The following ATRNL1 variants were observed in gnomAD, a reference collection of about 807,000 sequenced individuals.
ATRNL1 encodes attractin like 1.
In ATRNL1, 95 loss-of-function variants were observed where a neutral mutation model predicts 182.7. The ratio of observed to expected loss-of-function variants is 0.52; its 90% CI spans 0.44 to 0.62. The LOEUF is 0.62. ATRNL1 is among the 20% of genes least tolerant of loss of function. ATRNL1 has a pLI of 0.00. For synonymous variants in ATRNL1, 576 were observed against 568.3 expected (o/e 1.01, Z -0.19); for missense variants, 1,471 against 1,679.5 (o/e 0.88, Z 2.17).
At chr10:115,121,025 A>G (rs1479156352) in intron 2 of ATRNL1, among the ~76,000 whole-genome samples, 1 of 152,172 alleles carries the variant, frequency 6.6e-6, no homozygotes, top group African/African-American at 2.4e-5. Context: ...CCATTTGTAT[A>G]CAACAAAATG....
At chr10:115,193,860 C>G (rs1554890440) in intron 8 of ATRNL1, among the ~76,000 whole-genome samples, 1 of 151,692 alleles carries the variant, frequency 6.6e-6, no homozygotes, top group African/African-American at 2.4e-5. Context: ...CCTCTTAGTA[C>G]TGCTTTTGCT....
chr10:115,864,120 A>G (rs1434156538), intron 28 of ATRNL1, among the ~76,000 whole-genome samples: 6 of 152,156 alleles, frequency 3.9e-5, no homozygotes, highest in African/African-American at 1.2e-4. Context: ...TTAGCCAGCC[A>G]TGGTGGCATG....
At chr10:115,195,443 G>A (rs1050874234) in intron 8 of ATRNL1, among the ~76,000 whole-genome samples, 1 of 152,174 alleles carries the variant, frequency 6.6e-6, no homozygotes, top group South Asian at 2.1e-4. Context: ...CTCCTGGACT[G>A]CAAGTTTCCT....
intron 28 of ATRNL1, among the ~76,000 whole-genome samples, chr10:115,864,436 G>C (rs1951388079): frequency 6.6e-6 from 1 of 152,084 alleles, no homozygotes; most frequent in Admixed American, 6.5e-5. Flanking sequence ...AAAGTTAATA[G>C]GACAAAACAC....
chr10:115,828,481 T>C (rs2134303832), intron 27 of ATRNL1, among the ~76,000 whole-genome samples: 1 of 152,296 alleles, frequency 6.6e-6, no homozygotes, highest in Middle Eastern at 3.4e-3. Context: ...GTTATTTTAC[T>C]CTAAAGGATA....
intron 19 of ATRNL1, among the ~76,000 whole-genome samples, chr10:115,380,633 G>T (rs1554950812): frequency 6.6e-6 from 1 of 152,106 alleles, no homozygotes; most frequent in African/African-American, 2.4e-5. Context: ...TATCAAATAT[G>T]TGATCTTTCA....
At chr10:115,580,666 T>C (rs1450173593) in intron 26 of ATRNL1, among the ~76,000 whole-genome samples, 1 of 146,832 alleles carries the variant, frequency 6.8e-6, no homozygotes, top group Non-Finnish European at 1.5e-5. Flanking sequence ...ATTATTTCTT[T>C]AAATACTCTT....
chr10:115,575,027 A>T (rs1555004705), intron 26 of ATRNL1, among the ~76,000 whole-genome samples: 1 of 152,192 alleles, frequency 6.6e-6, no homozygotes, highest in Non-Finnish European at 1.5e-5. Flanking sequence ...TTTAAAATAG[A>T]ATCTTAGTAA....
At position 115,302,038 on chromosome 10, in the gene ATRNL1, G is replaced by C. The variant is rs1554924754; in HGVS notation, c.2813G>C (p.Cys938Ser). 1 of 1,611,032 alleles carries C rather than the reference G, an allele frequency of 6.2e-7. No individual in the cohort carries two copies. Among genetic ancestry groups the C allele is most frequent in the Non-Finnish European group, 8.5e-7 (1 of 1,178,434 alleles). The stretch of plus-strand genomic sequence containing the variant: ...TGTCTAGAGTGGCAAACTGCCACCT[G>C]CTCCCGTAAGTATTTATCTAGAGTG... ...GQCLEWQTAT[C>S]SPQNCSGLRT... The change falls in exon 17 of 29, where the codon TGC (cysteine) becomes TCC (serine). Residue 938 changes from cysteine to serine, a missense_variant. Physicochemically the swap from Cys to Ser is moderately radical, Grantham distance 112. Around this residue, in one of 3 missense-constraint regions of ATRNL1, gnomAD observed 1,031 missense variants for 1,156.0 expected, o/e 0.89. Coordinates refer to ENST00000355044, the MANE Select transcript of ATRNL1 (RefSeq NM_207303.4).
At chr10:115,234,913 A>T (rs1272640696) in intron 9 of ATRNL1, among the ~76,000 whole-genome samples, 2 of 152,118 alleles carry the variant, frequency 1.3e-5, no homozygotes, top group Non-Finnish European at 2.9e-5. Context: ...GAATGTTCAC[A>T]TATGTGATTG....
At chr10:115,398,413 T>C (rs1193443350) in intron 20 of ATRNL1, among the ~76,000 whole-genome samples, 4 of 152,032 alleles carry the variant, frequency 2.6e-5, no homozygotes, top group Non-Finnish European at 5.9e-5. Context: ...TTTTTAGTTT[T>C]CCTTGTAGAG....
At chr10:115,781,293 G>A (rs1384403196) in intron 27 of ATRNL1, among the ~76,000 whole-genome samples, 3 of 152,024 alleles carry the variant, frequency 2.0e-5, no homozygotes, top group African/African-American at 7.3e-5. Context: ...AAACAATTTG[G>A]TCCTATATTC....
chr10:115,790,560 T>A (rs1949506393), intron 27 of ATRNL1, among the ~76,000 whole-genome samples: 1 of 152,034 alleles, frequency 6.6e-6, no homozygotes, highest in South Asian at 2.1e-4. Flanking sequence ...TTATGTAAAT[T>A]TGAGTGAGGG....
intron 20 of ATRNL1, among the ~76,000 whole-genome samples, chr10:115,424,396 A>C (rs1554962514): frequency 6.6e-6 from 1 of 152,238 alleles, no homozygotes; most frequent in Non-Finnish European, 1.5e-5. Context: ...AATTAAAAAC[A>C]GAATGAAAAT....
chr10:115,522,987 T>G (rs1851023482), intron 25 of ATRNL1, among the ~76,000 whole-genome samples: 1 of 152,180 alleles, frequency 6.6e-6, no homozygotes. Context: ...GTGGGTACTC[T>G]CTTCAGGGCC....
intron 27 of ATRNL1, among the ~76,000 whole-genome samples, chr10:115,745,187 G>A (rs1948255258): frequency 6.6e-6 from 1 of 151,864 alleles, no homozygotes; most frequent in African/African-American, 2.4e-5. Flanking sequence ...GCAGTGGCAA[G>A]ATCTTGGCTC....
chr10:115,929,949 A>G (rs782299853), intron 28 of ATRNL1, among the ~76,000 whole-genome samples: 1 of 152,144 alleles, frequency 6.6e-6, no homozygotes, highest in Non-Finnish European at 1.5e-5. Flanking sequence ...TGAAAGAAGC[A>G]CCATTTGAAA....
At chr10:115,555,576 A>G (rs1853266527) in intron 26 of ATRNL1, among the ~76,000 whole-genome samples, 1 of 151,966 alleles carries the variant, frequency 6.6e-6, no homozygotes, top group African/African-American at 2.4e-5. Context: ...TTATTGAACA[A>G]CTATTGTTGT....
In ATRNL1 at chr10:115,315,610, C is replaced by T. The variant is rs1229952017; in HGVS notation, c.2911C>T (p.His971Tyr). Reference protein sequence around the residue: ...CNDPSNTGRGHCIEGSSRGPM... With the variant: ...CNDPSNTGRGYCIEGSSRGPM... ...TGATCCTAGTAATACAGGAAGAGGA[C>T]ATTGCATTGAAGGTTCTTCACGGGG... Residue 971 changes from histidine to tyrosine, a missense_variant, in exon 18 of 29, where the codon CAT becomes TAT. Coordinates refer to ENST00000355044, the MANE Select transcript of ATRNL1 (RefSeq NM_207303.4). 18 of 1,613,722 alleles carry T rather than the reference C, an allele frequency of 1.1e-5. No homozygotes were observed. Among genetic ancestry groups the T allele is most frequent in the South Asian group, 2.2e-5 (2 of 91,078 alleles).
Sources: allele counts gnomAD v4.1 joint callset (sites outside exome capture counted in the v4.1 genomes callset), GRCh38; gene constraint gnomAD v4.1.1; regional missense constraint gnomAD v4.1.1; transcripts MANE v1.5; gene names NCBI Gene and HGNC (gene_info 2026-07-23, HGNC 2026-07-21).